Variants in TOR1AIP1 observed in about 807,000 individuals in gnomAD.
TOR1AIP1 encodes the protein torsin-1A-interacting protein 1.
In TOR1AIP1, 54 loss-of-function variants were observed where a neutral mutation model predicts 63.3. That is an observed-to-expected ratio of 0.85 (90% CI 0.69 to 1.07). TOR1AIP1 has a LOEUF of 1.07. Ranked by LOEUF, TOR1AIP1 falls within the 50% of genes least tolerant of loss-of-function variation. The pLI is 0.00. For missense variants in TOR1AIP1, 736 were observed against 715.0 expected (o/e 1.03, Z -0.33); for synonymous variants, 294 against 273.5 (o/e 1.07, Z -0.74).
At chr1:179,884,638 G>C in intron 1 of TOR1AIP1, 54 bp from the exon 2 acceptor site, 3 of 1,422,360 alleles carry the variant, frequency 2.1e-6, no homozygotes, top group Non-Finnish European at 2.9e-6. Context: ...TCTGTGCCAT[G>C]ATCTCCCAGG....
At chr1:179,909,417 T>C (rs569248383) in intron 8 of TOR1AIP1, among the ~76,000 whole-genome samples, 4 of 141,356 alleles carry the variant, frequency 2.8e-5, no homozygotes, top group Middle Eastern at 3.8e-3. Flanking sequence ...TGTTTTGTTT[T>C]GTTTTGTTTT....
Position 179,917,644 on chromosome 1 carries a change from T to C in TOR1AIP1, c.1157T>C (p.Leu386Pro), listed in dbSNP as rs1247266380. The change falls in exon 10 of 10, where the codon CTG (leucine) becomes CCG (proline). Residue 386 changes from leucine (L) to proline (P), a missense_variant. Around this residue, in one of 2 missense-constraint regions of TOR1AIP1, gnomAD observed 272 missense variants for 344.1 expected, o/e 0.79. Coordinates refer to ENST00000606911, the MANE Select transcript of TOR1AIP1 (RefSeq NM_015602.4). ...AAGTACCAAGGTCAAGATGAGAAGC[T>C]GTGGAAAAGGAGCCAAACATTCCTG... ...KNKYQGQDEK[L>P]WKRSQTFLEK... The C allele has an allele frequency of 1.9e-6, 3 of 1,614,206 alleles. No individual in the cohort carries two copies. The Admixed American group carries it at 5.0e-5, about 27-fold the overall frequency.
Position 179,900,158 on chromosome 1 carries a change from T to A in TOR1AIP1, c.643T>A (p.Ser215Thr), listed in dbSNP as rs1219906935. The change falls in exon 4 of 10, where the codon TCT becomes ACT. Residue 215 changes from serine to threonine, a missense_variant. Around this residue, in one of 2 missense-constraint regions of TOR1AIP1, gnomAD observed 464 missense variants for 371.0 expected, o/e 1.25. Transcript: ENST00000606911. ...CAGTGTCCAACAGAAGGTCAATTTC[T>A]CTGAAGAAGGTATTTTACTTGTAAA... ...ATSVQQKVNF[S>T]EEGETEEDDQ... 1 of 1,603,888 alleles carries A rather than the reference T, an allele frequency of 6.2e-7. No individual in the cohort carries two copies. The highest frequency in any genetic ancestry group is 2.2e-5 in the East Asian group (1 of 44,734).
intron 3 of TOR1AIP1, among the ~76,000 whole-genome samples, chr1:179,891,637 C>T (rs958383965): frequency 4.6e-5 from 7 of 151,850 alleles, no homozygotes; most frequent in Admixed American, 1.3e-4. Context: ...GTGATCTTGG[C>T]CCACTGCAAC....
At chr1:179,916,499 G>A (rs972043611) in intron 9 of TOR1AIP1, among the ~76,000 whole-genome samples, 1 of 152,008 alleles carries the variant, frequency 6.6e-6, no homozygotes, top group Non-Finnish European at 1.5e-5. Flanking sequence ...TAGAATATGA[G>A]AAAGTACTTT....
At chr1:179,911,509 T>G (rs912778495) in intron 8 of TOR1AIP1, among the ~76,000 whole-genome samples, 14 of 152,250 alleles carry the variant, frequency 9.2e-5, no homozygotes, top group African/African-American at 3.4e-4. Flanking sequence ...ATGGAACCAC[T>G]GTCTTTACTT....
intron 1 of TOR1AIP1, 177 bp downstream of exon 1, chr1:179,883,154 G>A: frequency 1.5e-6 from 1 of 655,814 alleles, no homozygotes. Flanking sequence ...ACCCGCAGCG[G>A]GGAAGGAAGC....
chr1:179,917,197 CTT>C (rs964745926), intron 9 of TOR1AIP1, among the ~76,000 whole-genome samples: 3 of 152,072 alleles, frequency 2.0e-5, no homozygotes, highest in African/African-American at 7.2e-5. Context: ...TGTTTAAAAA[CTT>C]TTTTCCTCAA....
intron 1 of TOR1AIP1, chr1:179,883,757 C>T: frequency 2.2e-6 from 1 of 453,354 alleles, no homozygotes; most frequent in Non-Finnish European, 4.4e-6. Context: ...GGGATGCTGA[C>T]AAAGTGAGTG....
intron 5 of TOR1AIP1, 67 bp from the exon 6 acceptor site, chr1:179,903,899 T>G: frequency 8.8e-7 from 1 of 1,132,004 alleles, no homozygotes; most frequent in Non-Finnish European, 1.3e-6. Flanking sequence ...TTTCTCACTG[T>G]TGTCTTGTAA....
chr1:179,901,348 T>C lies in TOR1AIP1; in HGVS notation c.699T>C (p.Thr233=). Residue 233 remains threonine, a synonymous_variant, in exon 5 of 10, where the codon ACT becomes ACC. Coordinates refer to ENST00000606911, the MANE Select transcript of TOR1AIP1 (RefSeq NM_015602.4). The part of the protein sequence containing the change: ...DDQDSSHSSV[T]TVKARSRDSD... ...AAGACAGCTCTCACAGCAGTGTCAC[T>C]ACTGTTAAGGCCAGATCCAGGGATT... The C allele has an allele frequency of 6.2e-7, 1 of 1,611,044 alleles. No individual in the cohort carries two copies. Among genetic ancestry groups the C allele is most frequent in the Non-Finnish European group, 8.5e-7 (1 of 1,178,242 alleles).
intron 1 of TOR1AIP1, chr1:179,883,532 T>G (rs1231843686): frequency 2.3e-6 from 1 of 438,998 alleles, no homozygotes; most frequent in South Asian, 1.6e-5. Context: ...ACCCAATACT[T>G]TCACCGAAAT....
At chr1:179,887,194 T>G (rs1405871840) in intron 2 of TOR1AIP1, among the ~76,000 whole-genome samples, 1 of 151,602 alleles carries the variant, frequency 6.6e-6, no homozygotes, top group Non-Finnish European at 1.5e-5. Flanking sequence ...GGTCAGGAGT[T>G]CGAGACCAGC....
intron 3 of TOR1AIP1, among the ~76,000 whole-genome samples, chr1:179,894,244 C>CTT (rs1648194966): frequency 1.4e-5 from 2 of 145,778 alleles, no homozygotes; most frequent in Admixed American, 6.9e-5. Context: ...GAGCGAGACT[C>CTT]TGTCTCAAAA....
At chr1:179,899,044 T>C (rs1324373505) in intron 3 of TOR1AIP1, among the ~76,000 whole-genome samples, 2 of 152,170 alleles carry the variant, frequency 1.3e-5, no homozygotes, top group African/African-American at 4.8e-5. Flanking sequence ...TTAAAATAAA[T>C]ATTTTCAAAT....
In TOR1AIP1 at chr1:179,885,892, C is replaced by A. The variant is rs184489060; in HGVS notation, c.553+1123C>A. ...AGTAGCTGGGATTACAGGCGCCTGACACCACACCTGGCTAATTTTTGTATT... is the reference window on the plus strand; with the variant it reads ...AGTAGCTGGGATTACAGGCGCCTGAAACCACACCTGGCTAATTTTTGTATT... On this transcript the variant is annotated intron_variant, in intron 2 of 9. Transcript: ENST00000606911. Among the ~76,000 whole-genome samples the A allele has an allele frequency of 5.2e-3, 795 of 152,226 alleles. 9 individuals are homozygous for A. Among genetic ancestry groups the A allele is most frequent in the South Asian group, 0.021 (100 of 4,824 alleles).
At chr1:179,888,792 A>G (rs61184002) in intron 2 of TOR1AIP1, among the ~76,000 whole-genome samples, 14,276 of 152,284 alleles carry the variant, frequency 0.094, 858 homozygotes, top group East Asian at 0.14. Context: ...TCCCTATGCC[A>G]TTGAACTATA....
At chr1:179,883,731 G>C (rs1041336054) in intron 1 of TOR1AIP1, 13 of 455,766 alleles carry the variant, frequency 2.9e-5, no homozygotes, top group East Asian at 1.4e-4. Flanking sequence ...TAGAGTTTTC[G>C]TCTAAATGGA....
rs769729774 is a variant in TOR1AIP1 at position 179,884,698 on chromosome 1, A to C, written c.482A>C (p.Glu161Ala). The change falls in exon 2 of 10, where the codon GAA becomes GCA. Residue 161 changes from glutamate to alanine, a missense_variant. Glu to Ala is a moderately radical substitution (Grantham distance 107). Transcript: ENST00000606911. ...LRDSHSSEED[E>A]ASSQTDLSQT... ...TGTTATGTCTGTTTTTTAGAGGATG[A>C]AGCATCTTCCCAAACTGATTTAAGC... is the stretch of plus-strand genomic sequence containing the variant. The C allele has an allele frequency of 1.9e-6, 3 of 1,609,270 alleles. No individual in the cohort carries two copies. The highest frequency in any genetic ancestry group is 2.2e-5 in the South Asian group (2 of 90,124).
Sources: gnomAD v4.1 joint callset for allele counts (sites outside exome capture counted in the v4.1 genomes callset) on GRCh38, gnomAD v4.1.1 for gene constraint, gnomAD v4.1.1 regional missense constraint, MANE v1.5 for transcripts, NCBI Gene and HGNC (gene_info 2026-07-23, HGNC 2026-07-21) for gene names.